The following PABPC1L2B variants were observed in gnomAD, a reference collection of about 807,000 sequenced individuals.
PABPC1L2B encodes the protein poly(A) binding protein cytoplasmic 1 like 2B, also known as polyadenylate-binding protein 1-like 2.
For missense variants in PABPC1L2B, 5 were observed against 16.4 expected (o/e 0.30, Z 1.20); for synonymous variants, 7 against 7.1 (o/e 0.99, Z 0.02).
Position 73,003,708 on chromosome X carries a change from C to T in PABPC1L2B, c.66C>T (p.Phe22=), listed in dbSNP as rs782755785. ...EVTEAMLYEK[F]SPAGPILSIR... is the part of the protein sequence containing the mutation. Reference sequence around the variant, plus strand: ...CCGAGGCAATGCTGTACGAGAAGTTCAGTCCAGCTGGGCCCATCCTCTCCA... The same window carrying T: ...CCGAGGCAATGCTGTACGAGAAGTTTAGTCCAGCTGGGCCCATCCTCTCCA... Residue 22 remains phenylalanine, a synonymous_variant, in exon 1 of 1, where the codon TTC becomes TTT. Transcript: ENST00000373521. 3.6e-4 allele frequency: 85 copies of T among 238,709 alleles called. 1 individual carries two copies. The South Asian group carries it at 4.4e-3, about 12-fold the overall frequency. The allele number at this position is 238,709 out of a possible 1,213,427, so 19.7% of individuals were successfully genotyped here.
Position 73,005,960 on chromosome X carries a change from G to A in PABPC1L2B, c.*1715G>A, listed in dbSNP as rs1345281673. Among the ~76,000 whole-genome samples the A allele has an allele frequency of 9.0e-6, 1 of 111,596 alleles. No homozygotes were observed. The highest frequency in any genetic ancestry group is 1.9e-5 in the Non-Finnish European group (1 of 53,119). ...ATTGAAGGATGAAAAGATATGGGAGGTTTAAAATCTTCTTTTTCCCTTCTT... is the reference window on the plus strand; with the variant it reads ...ATTGAAGGATGAAAAGATATGGGAGATTTAAAATCTTCTTTTTCCCTTCTT... On this transcript the variant is annotated 3_prime_UTR_variant, in exon 1 of 1. Coordinates refer to ENST00000373521, the MANE Select transcript of PABPC1L2B (RefSeq NM_001042506.2).
Position 73,005,292 on chromosome X carries a change from C to CGT in PABPC1L2B, c.*1056_*1057dup, listed in dbSNP as rs1262027093. ...GTGTGCGTGCGTGCGTGTGTGCATG[C>CGT]GTGTGTGTGTCTTTGTGTGTGTGTC... On this transcript the variant is annotated 3_prime_UTR_variant, in exon 1 of 1. Coordinates refer to ENST00000373521, the MANE Select transcript of PABPC1L2B (RefSeq NM_001042506.2). The CGT allele has an allele frequency of 2.5e-5, 3 of 122,137 alleles. No individual in the cohort carries two copies. Among genetic ancestry groups the CGT allele is most frequent in the African/African-American group, 9.9e-5 (3 of 30,356 alleles). 10.1% of individuals were successfully genotyped at this position (122,137 alleles called of 1,213,427 possible).
At position 73,005,186 on chromosome X, in the gene PABPC1L2B, C is replaced by T. The variant is rs2055180587; in HGVS notation, c.*941C>T. On this transcript the variant is annotated 3_prime_UTR_variant, in exon 1 of 1. Coordinates refer to ENST00000373521, the MANE Select transcript of PABPC1L2B (RefSeq NM_001042506.2). Reference sequence around the variant, plus strand: ...CCTTCATAAGCATTGTACCGATTTGCACTCGTGCCGGCCAGCGCAGCTAGT... The same window carrying T: ...CCTTCATAAGCATTGTACCGATTTGTACTCGTGCCGGCCAGCGCAGCTAGT... 1 of 116,781 alleles carries T rather than the reference C, an allele frequency of 8.6e-6. No homozygotes were observed. Among genetic ancestry groups the T allele is most frequent in the Non-Finnish European group, 1.9e-5 (1 of 51,578 alleles). The allele number at this position is 116,781 out of a possible 1,213,427, so 9.6% of individuals were successfully genotyped here.
rs2055184397 is a variant in PABPC1L2B at position 73,005,575 on chromosome X, T to C, written c.*1330T>C. 8.1e-6 allele frequency: 1 copy of C among 123,310 alleles called. No homozygotes were observed. The highest frequency in any genetic ancestry group is 9.5e-5 in the Admixed American group (1 of 10,545). 10.2% of individuals were successfully genotyped at this position (123,310 alleles called of 1,213,427 possible). A position where few individuals can be genotyped will look rare whatever the true frequency, so the allele number is the denominator to read the frequency against. ...AACATTTTCATCTGTATCTGCCCTG[T>C]ATTTTTCATGTGATATATATGTGAA... On this transcript the variant is annotated 3_prime_UTR_variant, in exon 1 of 1. Coordinates refer to ENST00000373521, the MANE Select transcript of PABPC1L2B (RefSeq NM_001042506.2).
chrX:73,005,514 A>T lies in PABPC1L2B; in HGVS notation c.*1269A>T, dbSNP rs782163425. 2.4e-5 allele frequency: 3 copies of T among 123,266 alleles called. No individual in the cohort carries two copies. Among genetic ancestry groups the T allele is most frequent in the Non-Finnish European group, 3.8e-5 (2 of 53,315 alleles). 10.2% of individuals were successfully genotyped at this position (123,266 alleles called of 1,213,427 possible). On this transcript the variant is annotated 3_prime_UTR_variant, in exon 1 of 1. Transcript: ENST00000373521. ...TTAACAGAAGAAAATTAATGTCACC[A>T]GTAATCATTTCTGATGATTACTTAT...
rs782613241 is a variant in PABPC1L2B at position 73,005,761 on chromosome X, T to G, written c.*1516T>G. On this transcript the variant is annotated 3_prime_UTR_variant, in exon 1 of 1. Transcript: ENST00000373521. ...TAATATGTGATTGGGCTTCATAGAG[T>G]GATAGATATATATACATATTAGATA... is the stretch of plus-strand genomic sequence containing the variant. The G allele has an allele frequency of 8.2e-6, 1 of 122,126 alleles. No individual in the cohort carries two copies. Among genetic ancestry groups the G allele is most frequent in the South Asian group, 3.8e-4 (1 of 2,638 alleles). The allele number at this position is 122,126 out of a possible 1,213,427, so 10.1% of individuals were successfully genotyped here.
At position 73,003,162 on chromosome X, in the gene PABPC1L2B, A is replaced by C. The variant is rs1603290688; in HGVS notation, c.-481A>C. ...GCCCTCCCCCGCCTCTCCGTCCCCCAGCTCGCGGGAAGGGAGGTCGCGGCA... is the reference window on the plus strand; with the variant it reads ...GCCCTCCCCCGCCTCTCCGTCCCCCCGCTCGCGGGAAGGGAGGTCGCGGCA... On this transcript the variant is annotated 5_prime_UTR_variant, in exon 1 of 1. Transcript: ENST00000373521. Among the ~76,000 whole-genome samples, 1 of 1,591 alleles carries C rather than the reference A, an allele frequency of 6.3e-4. No individual in the cohort carries two copies. The highest frequency in any genetic ancestry group is 4.6e-3 in the Admixed American group (1 of 219). 1.4% of individuals were successfully genotyped at this position (1,591 alleles called of 115,157 possible). A position where few individuals can be genotyped will look rare whatever the true frequency, so the allele number is the denominator to read the frequency against.
In PABPC1L2B at chrX:73,003,402, G is replaced by A. The variant is rs1378278322; in HGVS notation, c.-241G>A. The stretch of plus-strand genomic sequence containing the variant: ...CATCGGAGGCCACCCCGGGGGAGGC[G>A]GAGGCCGCCCGGGTGGCAACGGTGG... On this transcript the variant is annotated 5_prime_UTR_variant, in exon 1 of 1. Coordinates refer to ENST00000373521, the MANE Select transcript of PABPC1L2B (RefSeq NM_001042506.2). 1 of 31,840 alleles carries A rather than the reference G, an allele frequency of 3.1e-5. No individual in the cohort carries two copies. The highest frequency in any genetic ancestry group is 4.2e-5 in the Non-Finnish European group (1 of 23,621). The allele number at this position is 31,840 out of a possible 1,213,427, so 2.6% of individuals were successfully genotyped here.
rs1425272456 is a variant in PABPC1L2B, at chrX:73,005,316, T to C, written c.*1071T>C. ...GCGTGTGTGTGTCTTTGTGTGTGTG[T>C]CTTGGCCAGCTTGGCGGGCTGCAAA... On this transcript the variant is annotated 3_prime_UTR_variant, in exon 1 of 1. Coordinates refer to ENST00000373521, the MANE Select transcript of PABPC1L2B (RefSeq NM_001042506.2). 1.6e-5 allele frequency: 2 copies of C among 122,614 alleles called. No individual in the cohort carries two copies. Among genetic ancestry groups the C allele is most frequent in the Admixed American group, 1.9e-4 (2 of 10,420 alleles). The allele number at this position is 122,614 out of a possible 1,213,427, so 10.1% of individuals were successfully genotyped here. A position where few individuals can be genotyped will look rare whatever the true frequency, so the allele number is the denominator to read the frequency against.
Position 73,005,257 on chromosome X carries a change from T to C in PABPC1L2B, c.*1012T>C, listed in dbSNP as rs1556364470. 2 of 122,069 alleles carry C rather than the reference T, an allele frequency of 1.6e-5. No homozygotes were observed. The allele number at this position is 122,069 out of a possible 1,213,427, so 10.1% of individuals were successfully genotyped here. The stretch of plus-strand genomic sequence containing the variant: ...CTGCATAGCCTCCTGGTCACTGTAA[T>C]TGATCGTGTGTGTGCGTGCGTGCGT... On this transcript the variant is annotated 3_prime_UTR_variant, in exon 1 of 1. Coordinates refer to ENST00000373521, the MANE Select transcript of PABPC1L2B (RefSeq NM_001042506.2).
In PABPC1L2B at chrX:73,003,532, A is replaced by AAGGTGGATGCGG. The variant is rs1643998392; in HGVS notation, c.-110_-109insGGTGGATGCGGA. The AAGGTGGATGCGG allele has an allele frequency of 2.6e-6, 2 of 782,131 alleles. 1 individual carries two copies. Among genetic ancestry groups the AAGGTGGATGCGG allele is most frequent in the African/African-American group, 1.6e-4 (2 of 12,837 alleles). 64.5% of individuals were successfully genotyped at this position (782,131 alleles called of 1,213,427 possible). ...GGATGCGGATGCGGATGCGGATGCG[A>AAGGTGGATGCGG]ATGCGAAGGTGGCGGCCGAGGTGGC... On this transcript the variant is annotated 5_prime_UTR_variant, in exon 1 of 1. The change creates a new upstream start codon in the 5' untranslated region. Transcript: ENST00000373521.
In PABPC1L2B at chrX:73,004,370, GTCTC is replaced by G. The variant is rs782761503; in HGVS notation, c.*142_*145del. On this transcript the variant is annotated 3_prime_UTR_variant, in exon 1 of 1. Coordinates refer to ENST00000373521, the MANE Select transcript of PABPC1L2B (RefSeq NM_001042506.2). Reference sequence around the variant, plus strand: ...TGTATTTATTGTATTGAGAGTGCAGGTCTCTCTCTCTCTCTCTCTCCCCTTCTCT... The same window carrying G: ...TGTATTTATTGTATTGAGAGTGCAGGTCTCTCTCTCTCTCTCCCCTTCTCT... The G allele has an allele frequency of 4.6e-5, 1 of 21,850 alleles. No individual in the cohort carries two copies. The allele number at this position is 21,850 out of a possible 1,213,427, so 1.8% of individuals were successfully genotyped here. A position where few individuals can be genotyped will look rare whatever the true frequency, so the allele number is the denominator to read the frequency against.
Position 73,005,303 on chromosome X carries a change from C to G in PABPC1L2B, c.*1058C>G, listed in dbSNP as rs1317315058. Reference sequence around the variant, plus strand: ...TGCGTGTGTGCATGCGTGTGTGTGTCTTTGTGTGTGTGTCTTGGCCAGCTT... The same window carrying G: ...TGCGTGTGTGCATGCGTGTGTGTGTGTTTGTGTGTGTGTCTTGGCCAGCTT... On this transcript the variant is annotated 3_prime_UTR_variant, in exon 1 of 1. Transcript: ENST00000373521. 9.8e-5 allele frequency: 12 copies of G among 122,212 alleles called. No individual in the cohort carries two copies. The highest frequency in any genetic ancestry group is 1.9e-4 in the Admixed American group (2 of 10,381). The allele number at this position is 122,212 out of a possible 1,213,427, so 10.1% of individuals were successfully genotyped here.
rs2055185629 is a variant in PABPC1L2B, at chrX:73,005,776, C to T, written c.*1531C>T. 1 of 121,925 alleles carries T rather than the reference C, an allele frequency of 8.2e-6. No homozygotes were observed. Among genetic ancestry groups the T allele is most frequent in the Non-Finnish European group, 1.9e-5 (1 of 53,128 alleles). 10.0% of individuals were successfully genotyped at this position (121,925 alleles called of 1,213,427 possible). ...CTTCATAGAGTGATAGATATATATA[C>T]ATATTAGATATAGATATAGGGATAT... On this transcript the variant is annotated 3_prime_UTR_variant, in exon 1 of 1. Transcript: ENST00000373521.
Position 73,005,710 on chromosome X carries a change from A to G in PABPC1L2B, c.*1465A>G, listed in dbSNP as rs1286005895. On this transcript the variant is annotated 3_prime_UTR_variant, in exon 1 of 1. Coordinates refer to ENST00000373521, the MANE Select transcript of PABPC1L2B (RefSeq NM_001042506.2). ...TCATGTCATTAAATATTCTTCTAAAATAGTTTTCATGGATGTTTAGTGCTC... is the reference window on the plus strand; with the variant it reads ...TCATGTCATTAAATATTCTTCTAAAGTAGTTTTCATGGATGTTTAGTGCTC... 3.3e-5 allele frequency: 4 copies of G among 123,012 alleles called. No individual in the cohort carries two copies. The highest frequency in any genetic ancestry group is 1.3e-4 in the African/African-American group (4 of 30,752). The allele number at this position is 123,012 out of a possible 1,213,427, so 10.1% of individuals were successfully genotyped here.
chrX:73,003,468 A>G lies in PABPC1L2B; in HGVS notation c.-175A>G. 3 of 280,268 alleles carry G rather than the reference A, an allele frequency of 1.1e-5. No homozygotes were observed. Among genetic ancestry groups the G allele is most frequent in the Non-Finnish European group, 1.6e-5 (3 of 191,166 alleles). The allele number at this position is 280,268 out of a possible 1,213,427, so 23.1% of individuals were successfully genotyped here. A position where few individuals can be genotyped will look rare whatever the true frequency, so the allele number is the denominator to read the frequency against. ...GCAGCGCGGCCGAAGCCGCCGCCGC[A>G]GCGGAGGCTGCGGGGCCCCCCTTGG... On this transcript the variant is annotated 5_prime_UTR_variant, in exon 1 of 1. Coordinates refer to ENST00000373521, the MANE Select transcript of PABPC1L2B (RefSeq NM_001042506.2).
At position 73,005,191 on chromosome X, in the gene PABPC1L2B, G is replaced by C. The variant is rs187625726; in HGVS notation, c.*946G>C. On this transcript the variant is annotated 3_prime_UTR_variant, in exon 1 of 1. Transcript: ENST00000373521. ...ATAAGCATTGTACCGATTTGCACTC[G>C]TGCCGGCCAGCGCAGCTAGTAAAGA... 1.7e-5 allele frequency: 2 copies of C among 117,114 alleles called. No homozygotes were observed. The highest frequency in any genetic ancestry group is 1.0e-4 in the Admixed American group (1 of 9,750). 9.7% of individuals were successfully genotyped at this position (117,114 alleles called of 1,213,427 possible).
At position 73,005,084 on chromosome X, in the gene PABPC1L2B, G is replaced by A. The variant is rs1369043732; in HGVS notation, c.*839G>A. ...GCCAAATCTTTGCTAGCATCCCGGT[G>A]GTCTCCTTAACTGCGGACTTGCAAG... On this transcript the variant is annotated 3_prime_UTR_variant, in exon 1 of 1. Coordinates refer to ENST00000373521, the MANE Select transcript of PABPC1L2B (RefSeq NM_001042506.2). 1.1e-5 allele frequency: 1 copy of A among 92,385 alleles called. No individual in the cohort carries two copies. The highest frequency in any genetic ancestry group is 2.3e-5 in the Non-Finnish European group (1 of 42,637). The allele number at this position is 92,385 out of a possible 1,213,427, so 7.6% of individuals were successfully genotyped here. A position where few individuals can be genotyped will look rare whatever the true frequency, so the allele number is the denominator to read the frequency against.
In PABPC1L2B at chrX:73,005,980, C is replaced by A. The variant is rs941640409; in HGVS notation, c.*1735C>A. Among the ~76,000 whole-genome samples the A allele has an allele frequency of 2.7e-5, 3 of 111,451 alleles. No individual in the cohort carries two copies. Among genetic ancestry groups the A allele is most frequent in the Non-Finnish European group, 5.7e-5 (3 of 53,085 alleles). ...GGGAGGTTTAAAATCTTCTTTTTCC[C>A]TTCTTTAGTAAGTGACCATTGATAA... On this transcript the variant is annotated 3_prime_UTR_variant, in exon 1 of 1. Coordinates refer to ENST00000373521, the MANE Select transcript of PABPC1L2B (RefSeq NM_001042506.2).
Sources: allele counts gnomAD v4.1 joint callset (sites outside exome capture counted in the v4.1 genomes callset), GRCh38; gene constraint gnomAD v4.1.1; transcripts MANE v1.5; gene names NCBI Gene and HGNC (gene_info 2026-07-23, HGNC 2026-07-21).